Variants in CEMIP observed in about 807,000 individuals in gnomAD.
CEMIP encodes the protein cell migration inducing hyaluronidase 1, also known as cell migration-inducing and hyaluronan-binding protein.
A neutral mutation model predicts 156.9 loss-of-function variants in CEMIP; 105 were observed. That is an observed-to-expected ratio of 0.67 (90% CI 0.57 to 0.79). The LOEUF is 0.79. Among genes scored for constraint, CEMIP ranks in the 30% least tolerant of loss-of-function variants. The probability of loss-of-function intolerance (pLI) is 0.00; values close to 1 mark genes in which losing one functional copy is unlikely to be tolerated. For synonymous variants in CEMIP, 676 were observed against 668.4 expected (o/e 1.01, Z -0.17); for missense variants, 1,457 against 1,769.4 (o/e 0.82, Z 3.17).
intron 1 of CEMIP, among the ~76,000 whole-genome samples, chr15:80,840,144 G>A (rs576570253): frequency 2.0e-5 from 3 of 152,174 alleles, no homozygotes; most frequent in Non-Finnish European, 2.9e-5. Context: ...GTGCTTCCTA[G>A]GGGCTCGGAG....
At chr15:80,945,038 G>A (rs1901490513) in intron 28 of CEMIP, among the ~76,000 whole-genome samples, 1 of 152,166 alleles carries the variant, frequency 6.6e-6, no homozygotes, top group African/African-American at 2.4e-5. Context: ...TGTGGCTGCG[G>A]GCCCTGCCTA....
In CEMIP at chr15:80,884,353, A is replaced by G. The variant is rs755553701; in HGVS notation, c.796A>G (p.Arg266Gly). Residue 266 changes from arginine to glycine, a missense_variant and splice_region_variant, in exon 7 of 30, where the codon AGA becomes GGA. Transcript: ENST00000394685. Reference sequence around the variant, plus strand: ...CAAACACTTCCTGCACCTTGGATTTAGGTACTGCCCCTCACTTCGGCTTCC... The same window carrying G: ...CAAACACTTCCTGCACCTTGGATTTGGGTACTGCCCCTCACTTCGGCTTCC... ...GSKHFLHLGF[R>G]HPWSFLTVKG... is the part of the protein sequence containing the mutation. The G allele has an allele frequency of 5.0e-6, 8 of 1,614,012 alleles. No homozygotes were observed. In the Admixed American group the frequency reaches 1.3e-4, roughly 27 times the overall value.
intron 9 of CEMIP, among the ~76,000 whole-genome samples, chr15:80,889,013 T>C (rs1277757600): frequency 6.6e-6 from 1 of 152,240 alleles, no homozygotes; most frequent in Non-Finnish European, 1.5e-5. Context: ...AGATTTCAAT[T>C]TCACCTCAGT....
At chr15:80,884,936 G>C (rs1209527883) in intron 7 of CEMIP, among the ~76,000 whole-genome samples, 1 of 152,146 alleles carries the variant, frequency 6.6e-6, no homozygotes. Flanking sequence ...TAAAGTTCCA[G>C]GATACATATG....
At chr15:80,936,217 G>A (rs1005268029) in intron 23 of CEMIP, among the ~76,000 whole-genome samples, 8 of 152,240 alleles carry the variant, frequency 5.3e-5, no homozygotes, top group African/African-American at 1.9e-4. Context: ...GGGAGTAGGA[G>A]GGAGAAGTAG....
At chr15:80,793,406 T>C (rs1165649897) in intron 1 of CEMIP, among the ~76,000 whole-genome samples, 2 of 152,134 alleles carry the variant, frequency 1.3e-5, no homozygotes, top group Non-Finnish European at 1.5e-5. Flanking sequence ...GTGGTGGGTG[T>C]TTTTCTCTTA....
rs1453957631 is a variant in CEMIP, at chr15:80,873,574, T to G, written c.-139T>G. 4.9e-6 allele frequency: 2 copies of G among 407,148 alleles called. No homozygotes were observed. Among genetic ancestry groups the G allele is most frequent in the East Asian group, 5.1e-5 (1 of 19,500 alleles). 25.2% of individuals were successfully genotyped at this position (407,148 alleles called of 1,614,324 possible). On this transcript the variant is annotated 5_prime_UTR_variant, in exon 2 of 30. Coordinates refer to ENST00000394685, the MANE Select transcript of CEMIP (RefSeq NM_001293298.2). ...ATTCTGGAGGGGAAGGAGTTTTGAG[T>G]GCCAAGGATGAAATTCCACCCATCA...
intron 1 of CEMIP, among the ~76,000 whole-genome samples, chr15:80,794,694 C>T (rs1020485459): frequency 2.0e-5 from 3 of 152,246 alleles, no homozygotes; most frequent in Admixed American, 1.3e-4. Context: ...TACAGCATAT[C>T]TCAATTCGGA....
At chr15:80,881,944 G>A (rs1345540587) in intron 6 of CEMIP, among the ~76,000 whole-genome samples, 2 of 152,166 alleles carry the variant, frequency 1.3e-5, no homozygotes, top group Non-Finnish European at 2.9e-5. Flanking sequence ...GTGTAAGCTG[G>A]CAGATGCTGC....
rs190743195 is a variant in CEMIP at position 80,898,940 on chromosome 15, C to A, written c.1411+2880C>A. The stretch of plus-strand genomic sequence containing the variant: ...CATTAGAAAGCACATACAGGCCGGG[C>A]GCGGTGGCTCACGTCTGTAATTCCA... On this transcript the variant is annotated intron_variant, in intron 12 of 29. Coordinates refer to ENST00000394685, the MANE Select transcript of CEMIP (RefSeq NM_001293298.2). Among the ~76,000 whole-genome samples the A allele has an allele frequency of 2.6e-5, 4 of 152,248 alleles. No individual in the cohort carries two copies. The South Asian group carries it at 6.2e-4, about 24-fold the overall frequency.
chr15:80,787,845 G>A (rs1895979270), intron 1 of CEMIP, among the ~76,000 whole-genome samples: 1 of 152,216 alleles, frequency 6.6e-6, no homozygotes, highest in Non-Finnish European at 1.5e-5. Flanking sequence ...GGAGGCAGTG[G>A]TATCTGCAGC....
rs1486791943 is a variant in CEMIP at position 80,947,009 on chromosome 15, G to T, written c.3902G>T (p.Gly1301Val). The T allele has an allele frequency of 8.1e-6, 13 of 1,613,956 alleles. No individual in the cohort carries two copies. Among genetic ancestry groups the T allele is most frequent in the Non-Finnish European group, 1.1e-5 (13 of 1,179,958 alleles). ...MASKGRYVSR[G>V]PWTRVLEKLG... ...TCAAAGGGAAGATACGTCTCCAGAG[G>T]CCCATGGACCAGAGTGCTGGAAAAG... The change falls in exon 29 of 30, where the codon GGC becomes GTC. Residue 1301 changes from glycine to valine, a missense_variant. This residue lies in a region of CEMIP where 798 missense variants were observed against 980.1 expected (regional missense o/e 0.81). Coordinates refer to ENST00000394685, the MANE Select transcript of CEMIP (RefSeq NM_001293298.2).
At position 80,937,989 on chromosome 15, in the gene CEMIP, C is replaced by A. The variant is rs368222278; in HGVS notation, c.3407+10C>A. 5.0e-6 allele frequency: 8 copies of A among 1,611,024 alleles called. No homozygotes were observed. The highest frequency in any genetic ancestry group is 3.4e-5 in the Admixed American group (2 of 59,700). ...GGGACGAGGACTCAGGGTGAGCAGG[C>A]GCCCACTTGGCTGCAGGAAAGTGGC... On this transcript the variant is annotated intron_variant, in intron 25 of 29. Transcript: ENST00000394685.
intron 1 of CEMIP, among the ~76,000 whole-genome samples, chr15:80,807,216 A>C (rs909865195): frequency 2.7e-5 from 4 of 150,110 alleles, no homozygotes; most frequent in African/African-American, 9.8e-5. Context: ...GTAGAGACAA[A>C]GTATCTAGAG....
intron 14 of CEMIP, among the ~76,000 whole-genome samples, chr15:80,912,786 A>G (rs936341760): frequency 6.6e-6 from 1 of 152,164 alleles, no homozygotes; most frequent in African/African-American, 2.4e-5. Context: ...GATGATCTCC[A>G]TCAGTATTTT....
chr15:80,885,730 A>G (rs34388060), intron 7 of CEMIP, among the ~76,000 whole-genome samples: 22,964 of 152,222 alleles, frequency 0.15, 1,829 homozygotes, highest in South Asian at 0.25. Context: ...GCTATCTCAA[A>G]GGACTATAGG....
intron 1 of CEMIP, among the ~76,000 whole-genome samples, chr15:80,872,413 T>C (rs970836894): frequency 3.3e-5 from 5 of 151,216 alleles, no homozygotes; most frequent in Non-Finnish European, 5.9e-5. Context: ...AAATCTCACA[T>C]CTTTTCCTTT....
intron 1 of CEMIP, among the ~76,000 whole-genome samples, chr15:80,835,524 T>G (rs1029250645): frequency 6.6e-6 from 1 of 152,236 alleles, no homozygotes; most frequent in Non-Finnish European, 1.5e-5. Context: ...GGGCAGCCAA[T>G]CTCTGCTTTT....
Position 80,928,398 on chromosome 15 carries a change from A to G in CEMIP, c.2421-504A>G, listed in dbSNP as rs1900773470. Among the ~76,000 whole-genome samples, 3 of 152,152 alleles carry G rather than the reference A, an allele frequency of 2.0e-5. No homozygotes were observed. The South Asian group carries it at 6.2e-4, about 32-fold the overall frequency. On this transcript the variant is annotated intron_variant, in intron 19 of 29. Coordinates refer to ENST00000394685, the MANE Select transcript of CEMIP (RefSeq NM_001293298.2). ...ACTTCCTGCCCTTCTCAGGGTCAGCATCTGCCTGGCTTCCTGGAAACTTGA... is the reference window on the plus strand; with the variant it reads ...ACTTCCTGCCCTTCTCAGGGTCAGCGTCTGCCTGGCTTCCTGGAAACTTGA...
Sources: gnomAD v4.1 joint callset for allele counts (sites outside exome capture counted in the v4.1 genomes callset) on GRCh38, gnomAD v4.1.1 for gene constraint, gnomAD v4.1.1 regional missense constraint, MANE v1.5 for transcripts, NCBI Gene and HGNC (gene_info 2026-07-23, HGNC 2026-07-21) for gene names.